Variants in NMNAT3 observed in about 807,000 individuals in gnomAD.
NMNAT3 encodes nicotinamide nucleotide adenylyltransferase 3, also known as nicotinamide/nicotinic acid mononucleotide adenylyltransferase 3.
A neutral mutation model predicts 24.8 loss-of-function variants in NMNAT3; 21 were observed. That is an observed-to-expected ratio of 0.85 (90% CI 0.60 to 1.22). The LOEUF (loss-of-function observed/expected upper bound fraction) is 1.22, where lower values mean the gene tolerates loss of function less well. Ranked by LOEUF, NMNAT3 falls within the 50% of genes most tolerant of loss-of-function variation. The pLI, the probability that NMNAT3 is intolerant of heterozygous loss-of-function variation, is 0.00. For synonymous variants in NMNAT3, 136 were observed against 155.2 expected (o/e 0.88, Z 0.92); for missense variants, 387 against 436.6 (o/e 0.89, Z 1.01).
intron 1 of NMNAT3, among the ~76,000 whole-genome samples, chr3:139,649,132 TC>T (rs992335989): frequency 2.0e-5 from 3 of 152,096 alleles, no homozygotes; most frequent in Admixed American, 6.5e-5. Flanking sequence ...ATTTTAGGAA[TC>T]AAAAAAGATG....
chr3:139,650,795 A>C (rs1324936122), intron 1 of NMNAT3, among the ~76,000 whole-genome samples: 5 of 152,200 alleles, frequency 3.3e-5, no homozygotes, highest in African/African-American at 2.4e-5. Context: ...GCTGAAAAGG[A>C]CCTGGAGCAA....
At chr3:139,590,486 C>A (rs1014847616) in intron 3 of NMNAT3, among the ~76,000 whole-genome samples, 1 of 152,010 alleles carries the variant, frequency 6.6e-6, no homozygotes. Flanking sequence ...TCTGAAAAAA[C>A]AAGATATAAC....
At chr3:139,596,964 A>ATATATATT (rs1405063694) in intron 3 of NMNAT3, among the ~76,000 whole-genome samples, 35 of 108,534 alleles carry the variant, frequency 3.2e-4, no homozygotes, top group Non-Finnish European at 4.3e-4. Context: ...ATATATATAT[A>ATATATATT]TTTTTATTAC....
intron 3 of NMNAT3, among the ~76,000 whole-genome samples, chr3:139,615,841 A>G (rs2055474232): frequency 7.2e-6 from 1 of 139,428 alleles, no homozygotes; most frequent in African/African-American, 2.6e-5. Context: ...AATCTTTCAA[A>G]CATGAAAATT....
intron 3 of NMNAT3, among the ~76,000 whole-genome samples, chr3:139,625,502 A>G (rs931669555): frequency 1.1e-4 from 17 of 152,234 alleles, no homozygotes; most frequent in Non-Finnish European, 2.2e-4. Flanking sequence ...TAGCAGTTGC[A>G]TTAGAGTTTA....
chr3:139,655,637 C>G (rs532081600), intron 1 of NMNAT3, among the ~76,000 whole-genome samples: 1 of 139,828 alleles, frequency 7.2e-6, no homozygotes. Flanking sequence ...GAAGAAGAAG[C>G]ATTTCTAAAT....
In NMNAT3 at chr3:139,578,977, T is replaced by C. The variant is rs1576553141; in HGVS notation, c.470A>G (p.His157Arg). 2 of 1,614,134 alleles carry C rather than the reference T, an allele frequency of 1.2e-6. No homozygotes were observed. The highest frequency in any genetic ancestry group is 1.7e-6 in the Non-Finnish European group (2 of 1,180,024). The change falls in exon 5 of 7, where the codon CAC becomes CGC. Residue 157 changes from histidine to arginine, a missense_variant. His to Arg is a conservative substitution (Grantham distance 29). This residue lies in a region of NMNAT3 where 323 missense variants were observed against 345.2 expected (regional missense o/e 0.94). Coordinates refer to ENST00000643695, the MANE Select transcript of NMNAT3 (RefSeq NM_001320510.2). ...GGCCAGCCGGGCCATGGCCACTCGG[T>C]GATGAGAAGCTGCGAGGTCTTTCTT...
rs943813865 is a variant in NMNAT3 at position 139,660,755 on chromosome 3, C to T, written c.-141+16950G>A. On this transcript the variant is annotated intron_variant, in intron 1 of 6. Transcript: ENST00000643695. ...TTAGAAGATAAGGTAACAACAAACA[C>T]TCCAAGGGCTGCTCCTTTTCACCGG... Among the ~76,000 whole-genome samples, 9 of 152,252 alleles carry T rather than the reference C, an allele frequency of 5.9e-5. No homozygotes were observed. In the South Asian group the frequency reaches 1.7e-3, roughly 28 times the overall value.
At chr3:139,641,578 G>C (rs1467121961) in intron 1 of NMNAT3, among the ~76,000 whole-genome samples, 2 of 152,122 alleles carry the variant, frequency 1.3e-5, no homozygotes, top group Non-Finnish European at 2.9e-5. Flanking sequence ...CATTCTCAGA[G>C]GTTGGGATAA....
At chr3:139,579,698 G>A (rs963833232) in intron 4 of NMNAT3, among the ~76,000 whole-genome samples, 1 of 152,154 alleles carries the variant, frequency 6.6e-6, no homozygotes, top group African/African-American at 2.4e-5. Context: ...TTCATCTGGG[G>A]AGAGAGAAAT....
chr3:139,590,610 C>A (rs2054119177), intron 3 of NMNAT3, among the ~76,000 whole-genome samples: 1 of 152,112 alleles, frequency 6.6e-6, no homozygotes, highest in Non-Finnish European at 1.5e-5. Context: ...GAACAAATAA[C>A]ACTATAAGCC....
chr3:139,653,684 A>T (rs930624728), intron 1 of NMNAT3, among the ~76,000 whole-genome samples: 8 of 152,134 alleles, frequency 5.3e-5, no homozygotes, highest in Non-Finnish European at 1.2e-4. Context: ...GGTTTACGAA[A>T]TTCTGGCTGA....
At chr3:139,644,081 A>G (rs930480898) in intron 1 of NMNAT3, among the ~76,000 whole-genome samples, 2 of 152,200 alleles carry the variant, frequency 1.3e-5, no homozygotes, top group Non-Finnish European at 2.9e-5. Flanking sequence ...TATTCCTAAC[A>G]TCAATCCCAT....
At chr3:139,591,284 G>A (rs917291058) in intron 3 of NMNAT3, among the ~76,000 whole-genome samples, 31 of 152,078 alleles carry the variant, frequency 2.0e-4, no homozygotes, top group African/African-American at 7.5e-4. Flanking sequence ...GGCGCACGAC[G>A]AGACTATATC....
At chr3:139,569,791 T>C (rs908113162) in intron 6 of NMNAT3, 12 of 152,230 alleles carry the variant, frequency 7.9e-5, no homozygotes, top group Admixed American at 2.0e-4. Flanking sequence ...TCCTTCATTT[T>C]AACTTTGGTG....
At chr3:139,636,642 G>A (rs1039588965) in intron 2 of NMNAT3, 1 of 152,202 alleles carries the variant, frequency 6.6e-6, no homozygotes, top group East Asian at 1.9e-4. Flanking sequence ...CCAAATAACA[G>A]CTGTGCCTCG....
chr3:139,616,216 C>G (rs917718686), intron 3 of NMNAT3, among the ~76,000 whole-genome samples: 2 of 152,206 alleles, frequency 1.3e-5, no homozygotes, highest in East Asian at 1.9e-4. Context: ...CTGAACTGCA[C>G]AGATGTGATT....
chr3:139,577,645 TA>T (rs1288921219), intron 5 of NMNAT3: 3 of 152,344 alleles, frequency 2.0e-5, no homozygotes, highest in Admixed American at 2.0e-4. Context: ...TGACTCATTC[TA>T]AAAGGATGAT....
intron 1 of NMNAT3, among the ~76,000 whole-genome samples, chr3:139,647,770 G>A (rs115469028): frequency 2.0e-5 from 3 of 152,160 alleles, no homozygotes; most frequent in African/African-American, 7.2e-5. Context: ...TGATGCCTTG[G>A]TTTTGGCTCA....
Sources: allele counts gnomAD v4.1 joint callset (sites outside exome capture counted in the v4.1 genomes callset), GRCh38; gene constraint gnomAD v4.1.1; regional missense constraint gnomAD v4.1.1; transcripts MANE v1.5; gene names NCBI Gene and HGNC (gene_info 2026-07-23, HGNC 2026-07-21).